SPANXN2: variants seen among roughly 807,000 people sequenced by gnomAD.
SPANXN2 encodes the protein SPANX family member N2, also known as sperm protein associated with the nucleus on the X chromosome N2.
Under a neutral mutation model 2.0 loss-of-function variants are expected in SPANXN2, and 1 was observed. The observed-to-expected ratio is 0.50, with a 90% CI of 0.18 to 2.36. The LOEUF is 2.36. SPANXN2 is among the 30% of genes most tolerant of loss of function. SPANXN2 has a pLI of 0.26. For missense variants in SPANXN2, 88 were observed against 116.7 expected (o/e 0.75, Z 1.13); for synonymous variants, 43 against 49.8 (o/e 0.86, Z 0.58).
rs190786018 is a variant in SPANXN2, at chrX:143,713,760, C to T, written c.79-1261G>A. 4.2e-4 allele frequency among the ~76,000 whole-genome samples: 47 copies of T among 111,446 alleles called. No homozygotes were observed. The East Asian group carries it at 0.011, about 26-fold the overall frequency. On this transcript the variant is annotated intron_variant, in intron 1 of 1. Transcript: ENST00000598475. Reference sequence around the variant, plus strand: ...TCACTTTCCTCAGGGGTAGTCACTCCCATCCAGAGTATTCACTCCCCTCTT... The same window carrying T: ...TCACTTTCCTCAGGGGTAGTCACTCTCATCCAGAGTATTCACTCCCCTCTT...
chrX:143,717,296 A>T (rs73566165), intron 1 of SPANXN2, among the ~76,000 whole-genome samples: 1,691 of 111,899 alleles, frequency 0.015, 42 homozygotes, highest in African/African-American at 0.053. Flanking sequence ...CTACAAAAGG[A>T]ACCCCCATAA....
chrX:143,712,418 C>T, exon 2 of SPANXN2: 1 of 1,212,270 alleles, frequency 8.2e-7, no homozygotes, highest in Non-Finnish European at 1.1e-6. Context: ...TAGTAATACA[C>T]TATTATTGTT....
chrX:143,712,414 T>C (rs782335476), exon 2 of SPANXN2: 1 of 1,212,500 alleles, frequency 8.2e-7, no homozygotes, highest in Non-Finnish European at 1.1e-6. Flanking sequence ...CCTGTAGTAA[T>C]ACACTATTAT....
chrX:143,720,183 C>T (rs1932339007), intron 1 of SPANXN2, among the ~76,000 whole-genome samples: 1 of 110,652 alleles, frequency 9.0e-6, no homozygotes, highest in Admixed American at 9.6e-5. Context: ...TTTTGCAGAC[C>T]TTGATCAAAG....
chrX:143,719,915 G>A (rs1297835071), intron 1 of SPANXN2, among the ~76,000 whole-genome samples: 3 of 109,170 alleles, frequency 2.7e-5, no homozygotes, highest in Admixed American at 2.0e-4. Flanking sequence ...TTTATCTCCC[G>A]AAGGCTAAAC....
At chrX:143,712,605 G>A (rs782591797) in intron 1 of SPANXN2, 106 bp from the exon 2 acceptor site, 179 of 719,548 alleles carry the variant, frequency 2.5e-4, no homozygotes, top group South Asian at 1.6e-3. Context: ...GTTGAGGAAG[G>A]GGTTTGTGCC....
At chrX:143,719,675 A>G (rs1317267172) in intron 1 of SPANXN2, among the ~76,000 whole-genome samples, 1 of 111,169 alleles carries the variant, frequency 9.0e-6, no homozygotes, top group South Asian at 3.8e-4. Context: ...TTCAATCTAA[A>G]CATTAACACT....
At position 143,712,766 on chromosome X, in the gene SPANXN2, C is replaced by T. The variant is rs781801653; in HGVS notation, c.79-267G>A. Among the ~76,000 whole-genome samples, 16 of 111,622 alleles carry T rather than the reference C, an allele frequency of 1.4e-4. No individual in the cohort carries two copies. The East Asian group carries it at 1.7e-3, about 12-fold the overall frequency. ...GTCAAAGTGAGACACTCCATGGGGG[C>T]TCAGGCCGTGAGAAACATCCTGCCT... On this transcript the variant is annotated intron_variant, in intron 1 of 1. Transcript: ENST00000598475.
At chrX:143,716,500 C>G (rs1932267781) in intron 1 of SPANXN2, among the ~76,000 whole-genome samples, 1 of 111,594 alleles carries the variant, frequency 9.0e-6, no homozygotes, top group Non-Finnish European at 1.9e-5. Flanking sequence ...CCATCAACTC[C>G]AACTTAAAAA....
intron 1 of SPANXN2, among the ~76,000 whole-genome samples, chrX:143,719,549 A>G (rs113286912): frequency 0.054 from 6,034 of 111,712 alleles, 357 homozygotes; most frequent in African/African-American, 0.18. Context: ...CCTTCTCATG[A>G]CTTGCCACCA....
chrX:143,717,531 G>T (rs1249877165), intron 1 of SPANXN2, among the ~76,000 whole-genome samples: 3 of 111,920 alleles, frequency 2.7e-5, no homozygotes, highest in African/African-American at 9.8e-5. Context: ...AAACCCACTT[G>T]CCCAGGCTGG....
chrX:143,715,623 T>C (rs1210887038), intron 1 of SPANXN2, among the ~76,000 whole-genome samples: 4 of 105,458 alleles, frequency 3.8e-5, no homozygotes. Context: ...ACCCCTCCAT[T>C]TTCCTTCATC....
At chrX:143,719,272 T>G (rs1932319793) in intron 1 of SPANXN2, among the ~76,000 whole-genome samples, 3 of 111,162 alleles carry the variant, frequency 2.7e-5, no homozygotes, top group African/African-American at 9.8e-5. Flanking sequence ...CCGCTCTCCA[T>G]GTATCCAAGT....
Position 143,716,742 on chromosome X carries a change from C to T in SPANXN2, c.78+3849G>A, listed in dbSNP as rs187754719. On this transcript the variant is annotated intron_variant, in intron 1 of 1. Coordinates refer to ENST00000598475, the Ensembl canonical transcript of SPANXN2. ...GGCCACATTGCTGGCCTTAGATGCA[C>T]GGAAACTCCCTCTCTACCAACACAT... Among the ~76,000 whole-genome samples, 355 of 111,945 alleles carry T rather than the reference C, an allele frequency of 3.2e-3. 9 individuals carry two copies. In the Admixed American group the frequency reaches 0.032, roughly 10 times the overall value.
intron 1 of SPANXN2, among the ~76,000 whole-genome samples, chrX:143,712,945 G>C (rs1194521289): frequency 9.0e-6 from 1 of 111,583 alleles, no homozygotes; most frequent in Admixed American, 9.5e-5. Flanking sequence ...TATCCTGCCG[G>C]ATAGCATCCC....
In SPANXN2 at chrX:143,712,304, C is replaced by G. The variant is rs782045608; in HGVS notation, c.274G>C (p.Ala92Pro). The change falls in exon 2 of 2, where the codon GCT (alanine) becomes CCT (proline). Residue 92 changes from alanine (A) to proline (P), a missense_variant. Coordinates refer to ENST00000598475, the Ensembl canonical transcript of SPANXN2. The stretch of plus-strand genomic sequence containing the variant: ...TCGTCCTCCTGTGAAGATCCTTCAG[C>G]TGAGTCTAGGCCTTCGTCCTCCTCC... 8.3e-6 allele frequency: 10 copies of G among 1,210,106 alleles called. No homozygotes were observed. The African/African-American group carries it at 1.7e-4, about 21-fold the overall frequency.
exon 1 of SPANXN2, chrX:143,720,689 T>G (rs782718797): frequency 8.3e-7 from 1 of 1,205,198 alleles, no homozygotes; most frequent in Non-Finnish European, 1.1e-6. Flanking sequence ...GGTTGTAGAA[T>G]GTCTATAGTA....
chrX:143,713,032 T>G (rs1460036030), intron 1 of SPANXN2, among the ~76,000 whole-genome samples: 3 of 111,714 alleles, frequency 2.7e-5, no homozygotes, highest in Non-Finnish European at 5.6e-5. Context: ...GCATTAAGCT[T>G]GTCCTCCACT....
chrX:143,714,918 A>G (rs1556449255), intron 1 of SPANXN2, among the ~76,000 whole-genome samples: 2 of 111,933 alleles, frequency 1.8e-5, no homozygotes, highest in Non-Finnish European at 3.8e-5. Context: ...CAAGGCCTAC[A>G]GAATTCCTCA....
Sources: gnomAD v4.1 joint callset for allele counts (sites outside exome capture counted in the v4.1 genomes callset) on GRCh38, gnomAD v4.1.1 for gene constraint, MANE v1.5 for transcripts, NCBI Gene and HGNC (gene_info 2026-07-23, HGNC 2026-07-21) for gene names.